KCTD12: variants seen among roughly 807,000 people sequenced by gnomAD.
KCTD12 encodes the protein potassium channel tetramerization domain containing 12, also known as BTB/POZ domain-containing protein KCTD12.
KCTD12 carries 16 observed loss-of-function variants against 22.6 expected under a neutral mutation model. The ratio of observed to expected loss-of-function variants is 0.71; its 90% CI spans 0.48 to 1.07. The LOEUF (loss-of-function observed/expected upper bound fraction) is 1.07, where lower values mean the gene tolerates loss of function less well. Ranked by LOEUF, KCTD12 falls within the 50% of genes least tolerant of loss-of-function variation. KCTD12 has a pLI of 0.00. For missense variants in KCTD12, 452 were observed against 469.2 expected (o/e 0.96, Z 0.34); for synonymous variants, 260 against 228.0 (o/e 1.14, Z -1.26).
In KCTD12 at chr13:76,884,948, T is replaced by C. The variant is rs962667064; in HGVS notation, c.*223A>G. 1.3e-5 allele frequency: 7 copies of C among 533,014 alleles called. No homozygotes were observed. The highest frequency in any genetic ancestry group is 3.4e-5 in the Admixed American group (1 of 29,164). The allele number at this position is 533,014 out of a possible 1,614,324, so 33.0% of individuals were successfully genotyped here. A position where few individuals can be genotyped will look rare whatever the true frequency, so the allele number is the denominator to read the frequency against. On this transcript the variant is annotated 3_prime_UTR_variant, in exon 1 of 1. Coordinates refer to ENST00000377474, the MANE Select transcript of KCTD12 (RefSeq NM_138444.4). ...GTGGGGTGGGGGTTCCTCTGGGTTCTCTCGGTTCAGGAGGTCCAAAGAAGA... is the reference window on the plus strand; with the variant it reads ...GTGGGGTGGGGGTTCCTCTGGGTTCCCTCGGTTCAGGAGGTCCAAAGAAGA...
chr13:76,881,010 GA>G lies in KCTD12; in HGVS notation c.*4160del, dbSNP rs988656249. 6.6e-6 allele frequency: 1 copy of G among 152,020 alleles called. No individual in the cohort carries two copies. The highest frequency in any genetic ancestry group is 2.4e-5 in the African/African-American group (1 of 41,410). The allele number at this position is 152,020 out of a possible 1,614,324, so 9.4% of individuals were successfully genotyped here. A position where few individuals can be genotyped will look rare whatever the true frequency, so the allele number is the denominator to read the frequency against. The stretch of plus-strand genomic sequence containing the variant: ...CAGATTTTTATTGTCCAAAACTGTT[GA>G]CAAAGAAAAGCTAACTTCAACATAA... On this transcript the variant is annotated 3_prime_UTR_variant, in exon 1 of 1. Coordinates refer to ENST00000377474, the MANE Select transcript of KCTD12 (RefSeq NM_138444.4).
rs903842795 is a variant in KCTD12, at chr13:76,882,338, A to T, written c.*2833T>A. The T allele has an allele frequency of 6.6e-6, 1 of 152,142 alleles. No individual in the cohort carries two copies. The highest frequency in any genetic ancestry group is 1.5e-5 in the Non-Finnish European group (1 of 68,062). The allele number at this position is 152,142 out of a possible 1,614,324, so 9.4% of individuals were successfully genotyped here. On this transcript the variant is annotated 3_prime_UTR_variant, in exon 1 of 1. Coordinates refer to ENST00000377474, the MANE Select transcript of KCTD12 (RefSeq NM_138444.4). ...AAAAGAAGTAGATTTACTGTCCCTA[A>T]CCATTAAATTCCCAGTCTTTCAAAT...
rs879633611 is a variant in KCTD12, at chr13:76,886,258, C to CCCG, written c.-113_-111dup. ...CCCGGACGCTCGCTCAGCCCTGCGCCCCGCCGCCGCCGCCGCCGCCACCGC... is the reference window on the plus strand; with the variant it reads ...CCCGGACGCTCGCTCAGCCCTGCGCCCCGCCGCCGCCGCCGCCGCCGCCACCGC... On this transcript the variant is annotated 5_prime_UTR_variant, in exon 1 of 1. Coordinates refer to ENST00000377474, the MANE Select transcript of KCTD12 (RefSeq NM_138444.4). 1,010 of 1,216,342 alleles carry CCCG rather than the reference C, an allele frequency of 8.3e-4. 1 individual carries two copies. Among genetic ancestry groups the CCCG allele is most frequent in the African/African-American group, 2.6e-3 (155 of 59,508 alleles). 75.3% of individuals were successfully genotyped at this position (1,216,342 alleles called of 1,614,324 possible). A position where few individuals can be genotyped will look rare whatever the true frequency, so the allele number is the denominator to read the frequency against.
rs958496225 is a variant in KCTD12 at position 76,882,104 on chromosome 13, A to C, written c.*3067T>G. On this transcript the variant is annotated 3_prime_UTR_variant, in exon 1 of 1. Transcript: ENST00000377474. The stretch of plus-strand genomic sequence containing the variant: ...ACTATTACAGCTTATAGGAAATTAC[A>C]ATCCACTTTACAGGCCTCAAAGGTT... The C allele has an allele frequency of 2.6e-5, 4 of 152,220 alleles. No homozygotes were observed. The highest frequency in any genetic ancestry group is 9.6e-5 in the African/African-American group (4 of 41,462). The allele number at this position is 152,220 out of a possible 1,614,324, so 9.4% of individuals were successfully genotyped here. A position where few individuals can be genotyped will look rare whatever the true frequency, so the allele number is the denominator to read the frequency against.
In KCTD12 at chr13:76,881,975, T is replaced by A. The variant is rs1317673041; in HGVS notation, c.*3196A>T. The A allele has an allele frequency of 6.6e-6, 1 of 152,216 alleles. No individual in the cohort carries two copies. Among genetic ancestry groups the A allele is most frequent in the Non-Finnish European group, 1.5e-5 (1 of 68,042 alleles). The allele number at this position is 152,216 out of a possible 1,614,324, so 9.4% of individuals were successfully genotyped here. ...ACATATGTAAATGCATGCCTCTGAA[T>A]CAGATTCATGCAGTGTTAATTATCT... On this transcript the variant is annotated 3_prime_UTR_variant, in exon 1 of 1. Coordinates refer to ENST00000377474, the MANE Select transcript of KCTD12 (RefSeq NM_138444.4).
In KCTD12 at chr13:76,886,032, G is replaced by C; in HGVS notation, c.117C>G (p.Asn39Lys). Residue 39 changes from asparagine (N) to lysine (K), a missense_variant, in exon 1 of 1, where the codon AAC becomes AAG. Asn to Lys is a moderately conservative substitution (Grantham distance 94). Around this residue, in one of 2 missense-constraint regions of KCTD12, gnomAD observed 330 missense variants for 296.5 expected, o/e 1.11. Transcript: ENST00000377474. ...GGGTCACGTACACCTGGCCCCCCAC[G>C]TTCAGCTCCACGATGTCGGGGAAGA... ...PPLFPDIVEL[N>K]VGGQVYVTRR... 6.3e-7 allele frequency: 1 copy of C among 1,588,778 alleles called. No individual in the cohort carries two copies. Among genetic ancestry groups the C allele is most frequent in the Non-Finnish European group, 8.5e-7 (1 of 1,171,486 alleles).
chr13:76,885,691 C>T lies in KCTD12; in HGVS notation c.458G>A (p.Gly153Asp). Residue 153 changes from glycine to aspartate, a missense_variant, in exon 1 of 1, where the codon GGT (glycine) becomes GAT (aspartate). Gly to Asp is a moderately conservative substitution (Grantham distance 94). This residue lies in a region of KCTD12 where 330 missense variants were observed against 296.5 expected (regional missense o/e 1.11). Transcript: ENST00000377474. The surrounding 1 kb of genome is among the most constrained non-coding windows in gnomAD (Gnocchi z 5.1). The stretch of plus-strand genomic sequence containing the variant: ...GTAGCCAAGCGGCAGCAGCTCGTCA[C>T]CCAGCGAGCCCTCCTTGTGCACCCC... Reference protein sequence around the residue: ...RRGVHKEGSLGDELLPLGYSE... With the variant: ...RRGVHKEGSLDDELLPLGYSE... 4.9e-6 allele frequency: 7 copies of T among 1,440,174 alleles called. No individual in the cohort carries two copies. The highest frequency in any genetic ancestry group is 6.3e-6 in the Non-Finnish European group (7 of 1,110,420). 89.2% of individuals were successfully genotyped at this position (1,440,174 alleles called of 1,614,324 possible).
Position 76,884,017 on chromosome 13 carries a change from T to C in KCTD12, c.*1154A>G, listed in dbSNP as rs1046522590. The C allele has an allele frequency of 3.9e-5, 6 of 152,664 alleles. No homozygotes were observed. In the South Asian group the frequency reaches 1.2e-3, roughly 32 times the overall value. 9.5% of individuals were successfully genotyped at this position (152,664 alleles called of 1,614,324 possible). On this transcript the variant is annotated 3_prime_UTR_variant, in exon 1 of 1. Coordinates refer to ENST00000377474, the MANE Select transcript of KCTD12 (RefSeq NM_138444.4). Reference sequence around the variant, plus strand: ...TAAGAGTAGGTCTGTTATTAATCTTTATAAAATACTTGGCATGTTTGCATT... The same window carrying C: ...TAAGAGTAGGTCTGTTATTAATCTTCATAAAATACTTGGCATGTTTGCATT...
chr13:76,886,261 G>GCCGCCGCCGCCGCCGCCA lies in KCTD12; in HGVS notation c.-131_-114dup, dbSNP rs2033272395. ...GGACGCTCGCTCAGCCCTGCGCCCC[G>GCCGCCGCCGCCGCCGCCA]CCGCCGCCGCCGCCGCCACCGCCGC... On this transcript the variant is annotated 5_prime_UTR_variant, in exon 1 of 1. Transcript: ENST00000377474. 1.2e-6 allele frequency: 1 copy of GCCGCCGCCGCCGCCGCCA among 833,132 alleles called. No homozygotes were observed. Among genetic ancestry groups the GCCGCCGCCGCCGCCGCCA allele is most frequent in the African/African-American group, 2.4e-5 (1 of 40,818 alleles). The allele number at this position is 833,132 out of a possible 1,614,324, so 51.6% of individuals were successfully genotyped here.
Position 76,886,014 on chromosome 13 carries a change from G to A in KCTD12, c.135C>T (p.Tyr45=). 3.1e-6 allele frequency: 5 copies of A among 1,590,538 alleles called. No homozygotes were observed. Among genetic ancestry groups the A allele is most frequent in the Non-Finnish European group, 4.3e-6 (5 of 1,173,236 alleles). The change falls in exon 1 of 1, where the codon TAC becomes TAT. Residue 45 remains tyrosine, a synonymous_variant. Coordinates refer to ENST00000377474, the MANE Select transcript of KCTD12 (RefSeq NM_138444.4). ...IVELNVGGQV[Y]VTRRCTVVSV... is the part of the protein sequence containing the mutation. ...ACACCACCGTGCAGCGCCGGGTCAC[G>A]TACACCTGGCCCCCCACGTTCAGCT... is the stretch of plus-strand genomic sequence containing the variant.
rs1326549356 is a variant in KCTD12, at chr13:76,885,492, G to A, written c.657C>T (p.Thr219=). 21 of 1,605,878 alleles carry A rather than the reference G, an allele frequency of 1.3e-5. No individual in the cohort carries two copies. The highest frequency in any genetic ancestry group is 1.7e-5 in the Admixed American group (1 of 59,726). Residue 219 remains threonine (T), a synonymous_variant, in exon 1 of 1, where the codon ACC becomes ACT. Coordinates refer to ENST00000377474, the MANE Select transcript of KCTD12 (RefSeq NM_138444.4). The surrounding 1 kb of genome is among the most constrained non-coding windows in gnomAD (Gnocchi z 5.1). ...CGTCCGCCTGCGCGTCCCGCCCGAT[G>A]GTGTAGGAGCCGCGGTAGCCGATGG... ...YITIGYRGSY[T]IGRDAQADAK... is the part of the protein sequence containing the mutation.
rs1593866189 is a variant in KCTD12, at chr13:76,884,891, G to A, written c.*280C>T. Reference sequence around the variant, plus strand: ...CTGGGGGAGGGGTGGTTTGAGGCAGGGAGTAGAGAAAGCATGGAGTGGTAG... The same window carrying A: ...CTGGGGGAGGGGTGGTTTGAGGCAGAGAGTAGAGAAAGCATGGAGTGGTAG... On this transcript the variant is annotated 3_prime_UTR_variant, in exon 1 of 1. Transcript: ENST00000377474. 3 of 429,914 alleles carry A rather than the reference G, an allele frequency of 7.0e-6. No homozygotes were observed. The highest frequency in any genetic ancestry group is 8.1e-5 in the East Asian group (2 of 24,608). 26.6% of individuals were successfully genotyped at this position (429,914 alleles called of 1,614,324 possible).
rs1046470117 is a variant in KCTD12, at chr13:76,883,720, A to C, written c.*1451T>G. On this transcript the variant is annotated 3_prime_UTR_variant, in exon 1 of 1. Transcript: ENST00000377474. ...CACTTAACTTCAAACAAACTGCATG[A>C]AAGTGGCATTTTCAGGTTTTCAGGT... 2 of 152,754 alleles carry C rather than the reference A, an allele frequency of 1.3e-5. No homozygotes were observed. Among genetic ancestry groups the C allele is most frequent in the South Asian group, 4.1e-4 (2 of 4,828 alleles). The allele number at this position is 152,754 out of a possible 1,614,324, so 9.5% of individuals were successfully genotyped here.
Position 76,881,965 on chromosome 13 carries a change from T to C in KCTD12, c.*3206A>G, listed in dbSNP as rs2033209157. 1 of 152,218 alleles carries C rather than the reference T, an allele frequency of 6.6e-6. No individual in the cohort carries two copies. The highest frequency in any genetic ancestry group is 2.4e-5 in the African/African-American group (1 of 41,464). The allele number at this position is 152,218 out of a possible 1,614,324, so 9.4% of individuals were successfully genotyped here. On this transcript the variant is annotated 3_prime_UTR_variant, in exon 1 of 1. Transcript: ENST00000377474. The stretch of plus-strand genomic sequence containing the variant: ...AATTAGGGCAACATATGTAAATGCA[T>C]GCCTCTGAATCAGATTCATGCAGTG...
rs1044755527 is a variant in KCTD12, at chr13:76,884,474, G to A, written c.*697C>T. On this transcript the variant is annotated 3_prime_UTR_variant, in exon 1 of 1. Coordinates refer to ENST00000377474, the MANE Select transcript of KCTD12 (RefSeq NM_138444.4). ...CACTTTCTATAAGTTTAAGCTACAG[G>A]CTGAGACCTTTTATTCTGTACGAGA... The A allele has an allele frequency of 2.0e-5, 3 of 152,182 alleles. No individual in the cohort carries two copies. The highest frequency in any genetic ancestry group is 7.2e-5 in the African/African-American group (3 of 41,448). 9.4% of individuals were successfully genotyped at this position (152,182 alleles called of 1,614,324 possible).
Position 76,885,321 on chromosome 13 carries a change from G to A in KCTD12, c.828C>T (p.Phe276=). 2 of 1,614,006 alleles carry A rather than the reference G, an allele frequency of 1.2e-6. No homozygotes were observed. The highest frequency in any genetic ancestry group is 2.2e-5 in the South Asian group (2 of 91,052). ...YTSRYYLKFN[F]LEQAFDKLSE... is the part of the protein sequence containing the mutation. Reference sequence around the variant, plus strand: ...ACAGCTTGTCGAAGGCCTGCTCCAGGAAGTTGAACTTGAGGTAATAGCGCG... The same window carrying A: ...ACAGCTTGTCGAAGGCCTGCTCCAGAAAGTTGAACTTGAGGTAATAGCGCG... Residue 276 remains phenylalanine, a synonymous_variant, in exon 1 of 1, where the codon TTC becomes TTT. Coordinates refer to ENST00000377474, the MANE Select transcript of KCTD12 (RefSeq NM_138444.4). The surrounding 1 kb of genome is among the most constrained non-coding windows in gnomAD (Gnocchi z 5.1).
In KCTD12 at chr13:76,884,447, A is replaced by G. The variant is rs1438116935; in HGVS notation, c.*724T>C. On this transcript the variant is annotated 3_prime_UTR_variant, in exon 1 of 1. Coordinates refer to ENST00000377474, the MANE Select transcript of KCTD12 (RefSeq NM_138444.4). ...AAAGGGCGCCTCTGCAGGCAGGCGG[A>G]TCACTTTCTATAAGTTTAAGCTACA... The G allele has an allele frequency of 6.6e-6, 1 of 152,218 alleles. No individual in the cohort carries two copies. The highest frequency in any genetic ancestry group is 1.5e-5 in the Non-Finnish European group (1 of 68,044). The allele number at this position is 152,218 out of a possible 1,614,324, so 9.4% of individuals were successfully genotyped here.
chr13:76,886,224 G>T lies in KCTD12; in HGVS notation c.-76C>A. On this transcript the variant is annotated 5_prime_UTR_variant, in exon 1 of 1. Transcript: ENST00000377474. ...AGGAGCTGCAACCGCCTTCCCCGGA[G>T]CCCCGGAACCCGGACGCTCGCTCAG... is the stretch of plus-strand genomic sequence containing the variant. 7.2e-7 allele frequency: 1 copy of T among 1,379,708 alleles called. No individual in the cohort carries two copies. Among genetic ancestry groups the T allele is most frequent in the Non-Finnish European group, 9.3e-7 (1 of 1,075,216 alleles). 85.5% of individuals were successfully genotyped at this position (1,379,708 alleles called of 1,614,324 possible).
rs1007898157 is a variant in KCTD12, at chr13:76,883,021, T to C, written c.*2150A>G. The stretch of plus-strand genomic sequence containing the variant: ...TACAGCAAACTCAGTTTTACAATTA[T>C]GTATTTTTTCCTAACCCAATTCCTC... On this transcript the variant is annotated 3_prime_UTR_variant, in exon 1 of 1. Coordinates refer to ENST00000377474, the MANE Select transcript of KCTD12 (RefSeq NM_138444.4). The C allele has an allele frequency of 5.3e-5, 8 of 152,248 alleles. No homozygotes were observed. Among genetic ancestry groups the C allele is most frequent in the African/African-American group, 1.7e-4 (7 of 41,466 alleles). 9.4% of individuals were successfully genotyped at this position (152,248 alleles called of 1,614,324 possible). A position where few individuals can be genotyped will look rare whatever the true frequency, so the allele number is the denominator to read the frequency against.
Sources: allele counts gnomAD v4.1 joint callset, GRCh38; gene constraint gnomAD v4.1.1; regional missense constraint gnomAD v4.1.1; non-coding constraint Gnocchi (gnomAD v3.1); transcripts MANE v1.5; gene names NCBI Gene and HGNC (gene_info 2026-07-23, HGNC 2026-07-21).